ME1: variants seen among roughly 807,000 people sequenced by gnomAD.
ME1 encodes malic enzyme 1.
Under a neutral mutation model 66.4 loss-of-function variants are expected in ME1, and 74 were observed. That is an observed-to-expected ratio of 1.11 (90% CI 0.92 to 1.35). The LOEUF (loss-of-function observed/expected upper bound fraction) is 1.35, where lower values mean the gene tolerates loss of function less well. Among genes scored for constraint, ME1 ranks in the 40% most tolerant of loss-of-function variants. ME1 has a pLI of 0.00. For synonymous variants in ME1, 251 were observed against 235.6 expected (o/e 1.07, Z -0.60); for missense variants, 750 against 694.1 (o/e 1.08, Z -0.90).
chr6:83,217,555 T>C (rs2128522634), intron 12 of ME1, among the ~76,000 whole-genome samples: 1 of 151,884 alleles, frequency 6.6e-6, no homozygotes, highest in South Asian at 2.1e-4. Context: ...GGTAACAGAG[T>C]ACGGGAAGAA....
intron 6 of ME1, among the ~76,000 whole-genome samples, chr6:83,268,761 A>ATTATTATT: frequency 6.7e-6 from 1 of 149,416 alleles, no homozygotes; most frequent in African/African-American, 2.5e-5. Flanking sequence ...TATTATTATT[A>ATTATTATT]TTGTATTTTT....
intron 5 of ME1, among the ~76,000 whole-genome samples, chr6:83,334,106 C>T (rs982909766): frequency 6.6e-6 from 1 of 152,088 alleles, no homozygotes; most frequent in Non-Finnish European, 1.5e-5. Context: ...CCAGTGTGTG[C>T]GTGCACCGTG....
At chr6:83,271,345 T>C (rs1489384533) in intron 6 of ME1, among the ~76,000 whole-genome samples, 1 of 152,090 alleles carries the variant, frequency 6.6e-6, no homozygotes, top group East Asian at 1.9e-4. Flanking sequence ...AGGTCATAAG[T>C]GAAAAGAGCT....
chr6:83,346,391 T>C, intron 4 of ME1, 57 bp from the exon 5 acceptor site: 1 of 1,249,292 alleles, frequency 8.0e-7, no homozygotes, highest in Non-Finnish European at 1.1e-6. Flanking sequence ...TGAGACACAA[T>C]TTCTGACTCT....
intron 2 of ME1, among the ~76,000 whole-genome samples, chr6:83,405,722 GTTT>G (rs1245020714): frequency 7.9e-6 from 1 of 126,266 alleles, no homozygotes; most frequent in African/African-American, 3.2e-5. Context: ...TGTTGTTGTT[GTTT>G]TTTTTTTTTT....
rs1390108442 is a variant in ME1 at position 83,352,064 on chromosome 6, C to G, written c.438G>C (p.Lys146Asn). 6.3e-7 allele frequency: 1 copy of G among 1,587,970 alleles called. No individual in the cohort carries two copies. Among genetic ancestry groups the G allele is most frequent in the Non-Finnish European group, 8.6e-7 (1 of 1,165,794 alleles). Residue 146 changes from lysine to asparagine, a missense_variant and splice_region_variant, in exon 4 of 14, where the codon AAG becomes AAC. Physicochemically the swap from Lys to Asn is moderately conservative, Grantham distance 94. Coordinates refer to ENST00000369705, the MANE Select transcript of ME1 (RefSeq NM_002395.6). ...VLNAWPEDVI[K>N]AIVVTDGERI... ...ATAGTGGAAAAACATGATAACTTAC[C>G]TTGATGACATCTTCTGGCCATGCAT...
chr6:83,348,464 G>A (rs1199355066), intron 4 of ME1, among the ~76,000 whole-genome samples: 1 of 152,054 alleles, frequency 6.6e-6, no homozygotes, highest in Non-Finnish European at 1.5e-5. Flanking sequence ...GTTTTATAAG[G>A]AGAGTAATAT....
At chr6:83,314,479 AC>A (rs1767988750) in intron 6 of ME1, among the ~76,000 whole-genome samples, 1 of 152,216 alleles carries the variant, frequency 6.6e-6, no homozygotes, top group South Asian at 2.1e-4. Flanking sequence ...GTGATGCCAA[AC>A]AACCATACAT....
chr6:83,280,119 A>C lies in ME1; in HGVS notation c.705-26381T>G, dbSNP rs564422712. Among the ~76,000 whole-genome samples, 36 of 152,336 alleles carry C rather than the reference A, an allele frequency of 2.4e-4. 1 individual carries two copies. Among genetic ancestry groups the C allele is most frequent in the Middle Eastern group, 6.8e-3 (2 of 292 alleles). ...TGCCTTGCAGTAATATTAAAAGATA[A>C]GAAAGAAAATGATATGTCAGGAATT... On this transcript the variant is annotated intron_variant, in intron 6 of 13. Transcript: ENST00000369705.
chr6:83,268,722 T>G (rs1055538402), intron 6 of ME1, among the ~76,000 whole-genome samples: 1 of 133,248 alleles, frequency 7.5e-6, no homozygotes, highest in African/African-American at 3.6e-5. Context: ...CGCATCACCA[T>G]GCCCCGTTAT....
At chr6:83,393,112 C>G (rs1261893484) in intron 3 of ME1, 1 of 1,441,066 alleles carries the variant, frequency 6.9e-7, no homozygotes, top group African/African-American at 1.4e-5. Context: ...CGTGTCCCCA[C>G]TGCCAACATG....
At position 83,293,236 on chromosome 6, in the gene ME1, G is replaced by A. The variant is rs535723947; in HGVS notation, c.704+22074C>T. On this transcript the variant is annotated intron_variant, in intron 6 of 13. Transcript: ENST00000369705. ...ACCCATCTTCTGCATCGATCTTGCTGGGAGCTGTAGACCAGAGCGTTCCTA... is the reference window on the plus strand; with the variant it reads ...ACCCATCTTCTGCATCGATCTTGCTAGGAGCTGTAGACCAGAGCGTTCCTA... 8.5e-5 allele frequency among the ~76,000 whole-genome samples: 13 copies of A among 152,242 alleles called. No homozygotes were observed. The East Asian group carries it at 1.5e-3, about 18-fold the overall frequency.
chr6:83,276,690 T>C (rs1036744948), intron 6 of ME1, among the ~76,000 whole-genome samples: 4 of 152,104 alleles, frequency 2.6e-5, no homozygotes, highest in Non-Finnish European at 4.4e-5. Context: ...AATTACAGTA[T>C]ACTAAAAAAA....
chr6:83,251,763 C>T (rs1206251555), intron 7 of ME1, among the ~76,000 whole-genome samples: 1 of 151,948 alleles, frequency 6.6e-6, no homozygotes, highest in African/African-American at 2.4e-5. Flanking sequence ...GAATGAGTGA[C>T]GAGAGAAACA....
At chr6:83,240,111 G>A (rs1002736574) in intron 7 of ME1, among the ~76,000 whole-genome samples, 2 of 151,920 alleles carry the variant, frequency 1.3e-5, no homozygotes, top group Non-Finnish European at 2.9e-5. Context: ...TTCACACAAA[G>A]AAGGCTTCAC....
chr6:83,430,172 A>G (rs934894245), intron 1 of ME1, among the ~76,000 whole-genome samples: 4 of 151,954 alleles, frequency 2.6e-5, no homozygotes, highest in Non-Finnish European at 4.4e-5. Context: ...AACTTCCAGA[A>G]AGCCAAATTA....
At chr6:83,307,550 G>A (rs1174916274) in intron 6 of ME1, among the ~76,000 whole-genome samples, 1 of 152,094 alleles carries the variant, frequency 6.6e-6, no homozygotes, top group East Asian at 1.9e-4. Context: ...TGATCAAAGT[G>A]ACAGGTGGAA....
intron 7 of ME1, among the ~76,000 whole-genome samples, chr6:83,246,186 G>C (rs1307964059): frequency 6.6e-6 from 1 of 152,076 alleles, no homozygotes; most frequent in African/African-American, 2.4e-5. Context: ...AAAAGCTTTG[G>C]TACTAAGTTA....
At chr6:83,414,122 AAAAAAAAAACT>A (rs1469127575) in intron 1 of ME1, among the ~76,000 whole-genome samples, 15 of 142,854 alleles carry the variant, frequency 1.1e-4, no homozygotes, top group African/African-American at 4.0e-4. Context: ...AAAAAAAAAA[AAAAAAAAAACT>A]AAAAAAATTT....
Sources: gnomAD v4.1 joint callset for allele counts (sites outside exome capture counted in the v4.1 genomes callset) on GRCh38, gnomAD v4.1.1 for gene constraint, MANE v1.5 for transcripts, NCBI Gene and HGNC (gene_info 2026-07-23, HGNC 2026-07-21) for gene names.